Variants in ANKRD11 observed in about 807,000 individuals in gnomAD.
ANKRD11 encodes the protein ankyrin repeat domain-containing protein 11.
Under a neutral mutation model 195.7 loss-of-function variants are expected in ANKRD11, and 17 were observed. The ratio of observed to expected loss-of-function variants is 0.09; its 90% CI spans 0.06 to 0.13. The LOEUF is 0.13. Among genes scored for constraint, ANKRD11 ranks in the 10% least tolerant of loss-of-function variants. The pLI, the probability that ANKRD11 is intolerant of heterozygous loss-of-function variation, is 1.00. For missense variants in ANKRD11, 3,735 were observed against 3,566.1 expected (o/e 1.05, Z -1.21); for synonymous variants, 1,953 against 1,528.1 (o/e 1.28, Z -6.49).
At chr16:89,312,483 C>T (rs562735686) in intron 3 of ANKRD11, among the ~76,000 whole-genome samples, 1 of 152,202 alleles carries the variant, frequency 6.6e-6, no homozygotes, top group Non-Finnish European at 1.5e-5. Flanking sequence ...TAGGAGCTGG[C>T]GGGCCACAGG....
chr16:89,489,468 G>A (rs1417167539), intron 1 of ANKRD11, among the ~76,000 whole-genome samples: 5 of 108,024 alleles, frequency 4.6e-5, no homozygotes, highest in Non-Finnish European at 9.1e-5. Flanking sequence ...GCCCCTCCTC[G>A]GCCTACGCGC....
At chr16:89,324,656 C>T (rs2037592596) in intron 2 of ANKRD11, 1 of 379,922 alleles carries the variant, frequency 2.6e-6, no homozygotes, top group South Asian at 2.0e-5. Context: ...CTCCATCTTT[C>T]TTCCATGCTG....
At chr16:89,295,309 T>A (rs1490092189) in intron 4 of ANKRD11, among the ~76,000 whole-genome samples, 1 of 152,150 alleles carries the variant, frequency 6.6e-6, no homozygotes, top group African/African-American at 2.4e-5. Flanking sequence ...GGCTGTGTCT[T>A]CCCAAGTCAA....
At chr16:89,294,769 C>T (rs966940831) in intron 4 of ANKRD11, among the ~76,000 whole-genome samples, 3 of 152,214 alleles carry the variant, frequency 2.0e-5, no homozygotes, top group African/African-American at 7.2e-5. Context: ...CCCGCACTGC[C>T]TGCCTGCCTG....
At chr16:89,352,989 T>C (rs1000884947) in intron 2 of ANKRD11, among the ~76,000 whole-genome samples, 4 of 152,240 alleles carry the variant, frequency 2.6e-5, no homozygotes, top group Non-Finnish European at 5.9e-5. Context: ...AAACCTTGAA[T>C]ATATTAACTT....
At chr16:89,410,064 C>T (rs1430755121) in intron 2 of ANKRD11, among the ~76,000 whole-genome samples, 1 of 152,182 alleles carries the variant, frequency 6.6e-6, no homozygotes, top group Non-Finnish European at 1.5e-5. Flanking sequence ...TGGTCTCGAT[C>T]TCCTGACCTC....
intron 1 of ANKRD11, among the ~76,000 whole-genome samples, chr16:89,489,983 G>A (rs1263666429): frequency 2.2e-5 from 3 of 135,782 alleles, no homozygotes; most frequent in South Asian, 2.4e-4. Flanking sequence ...CCCCCTATGG[G>A]CCCCTCACGG....
intron 2 of ANKRD11, among the ~76,000 whole-genome samples, chr16:89,391,976 G>T (rs543517004): frequency 9.2e-4 from 138 of 149,844 alleles, no homozygotes; most frequent in African/African-American, 3.4e-3. Flanking sequence ...CTCTTCCTTA[G>T]TTGAAGGTGT....
Position 89,282,819 on chromosome 16 carries a change from C to T in ANKRD11, c.3723G>A (p.Lys1241=), listed in dbSNP as rs1168532102. ...CTTCGGCAGCGTGCTTCTTTTCAGC[C>T]TTCTCGGGGAGCTTCTGTTTATTTT... is the stretch of plus-strand genomic sequence containing the variant. The part of the protein sequence containing the change: ...DKKNKQKLPE[K]AEKKHAAEDK... The change falls in exon 9 of 13, where the codon AAG becomes AAA. Residue 1241 remains lysine, a synonymous_variant. Coordinates refer to ENST00000301030, the MANE Select transcript of ANKRD11 (RefSeq NM_013275.6). 3.1e-6 allele frequency: 5 copies of T among 1,611,256 alleles called. No homozygotes were observed. Among genetic ancestry groups the T allele is most frequent in the Admixed American group, 3.3e-5 (2 of 59,998 alleles).
chr16:89,295,947 G>T (rs1285003987), intron 4 of ANKRD11, among the ~76,000 whole-genome samples: 1 of 144,814 alleles, frequency 6.9e-6, no homozygotes, highest in Admixed American at 6.9e-5. Context: ...GAACCGCCTG[G>T]GGGTGCTCTG....
intron 2 of ANKRD11, among the ~76,000 whole-genome samples, chr16:89,334,886 G>C (rs2038267061): frequency 6.6e-6 from 1 of 152,148 alleles, no homozygotes; most frequent in African/African-American, 2.4e-5. Flanking sequence ...AGACACGAGT[G>C]TGTCTGCTGT....
chr16:89,377,882 C>A (rs542444770), intron 2 of ANKRD11, among the ~76,000 whole-genome samples: 38 of 152,174 alleles, frequency 2.5e-4, no homozygotes, highest in Admixed American at 7.2e-4. Context: ...ATGAGAACAG[C>A]ATGACCACCC....
chr16:89,461,994 G>C (rs936002315), intron 1 of ANKRD11, among the ~76,000 whole-genome samples: 1 of 151,408 alleles, frequency 6.6e-6, no homozygotes, highest in Non-Finnish European at 1.5e-5. Context: ...CGTCTGTCAC[G>C]AGCTTCATTT....
intron 2 of ANKRD11, among the ~76,000 whole-genome samples, chr16:89,360,291 T>G (rs1029822316): frequency 6.6e-6 from 1 of 152,190 alleles, no homozygotes; most frequent in Admixed American, 6.5e-5. Flanking sequence ...GGGATGGGGC[T>G]TCACTATGTT....
intron 2 of ANKRD11, chr16:89,412,643 C>G (rs1330752848): frequency 6.6e-6 from 1 of 152,072 alleles, no homozygotes; most frequent in African/African-American, 2.4e-5. Flanking sequence ...TTAAATAGAA[C>G]TTACTGAGTA....
At chr16:89,453,556 G>A (rs768022170) in intron 1 of ANKRD11, among the ~76,000 whole-genome samples, 1 of 152,168 alleles carries the variant, frequency 6.6e-6, no homozygotes, top group Admixed American at 6.5e-5. Context: ...CTTGCCAGCT[G>A]ACCATCACTT....
At chr16:89,466,397 G>A (rs142364732) in intron 1 of ANKRD11, among the ~76,000 whole-genome samples, 1 of 152,272 alleles carries the variant, frequency 6.6e-6, no homozygotes, top group African/African-American at 2.4e-5. Flanking sequence ...ATGGAAACTT[G>A]CTGGAATGTG....
intron 2 of ANKRD11, among the ~76,000 whole-genome samples, chr16:89,390,237 G>C (rs1371186302): frequency 7.6e-6 from 1 of 130,910 alleles, no homozygotes; most frequent in African/African-American, 2.8e-5. Flanking sequence ...CACCGAGAGA[G>C]AAGATCACTG....
At chr16:89,475,913 G>A (rs1216880353) in intron 1 of ANKRD11, among the ~76,000 whole-genome samples, 5 of 151,936 alleles carry the variant, frequency 3.3e-5, no homozygotes, top group South Asian at 2.1e-4. Context: ...TTAACCAGGC[G>A]TGGTGGTGGG....
Sources: allele counts gnomAD v4.1 joint callset (sites outside exome capture counted in the v4.1 genomes callset), GRCh38; gene constraint gnomAD v4.1.1; transcripts MANE v1.5; gene names NCBI Gene and HGNC (gene_info 2026-07-23, HGNC 2026-07-21).